ABCB7: variants seen among roughly 807,000 people sequenced by gnomAD.
ABCB7 encodes iron-sulfur clusters transporter ABCB7, mitochondrial.
ABCB7 carries 7 observed loss-of-function variants against 54.4 expected under a neutral mutation model. The ratio of observed to expected loss-of-function variants is 0.13; its 90% confidence interval spans 0.07 to 0.24. ABCB7 has a LOEUF of 0.24. Ranked by LOEUF, ABCB7 falls within the 10% of genes least tolerant of loss-of-function variation. The pLI is 1.00. For synonymous variants in ABCB7, 218 were observed against 207.1 expected (o/e 1.05, Z -0.45); for missense variants, 356 against 570.4 (o/e 0.62, Z 3.83).
intron 1 of ABCB7, among the ~76,000 whole-genome samples, chrX:75,153,084 T>C (rs959284792): frequency 1.6e-4 from 18 of 110,043 alleles, no homozygotes; most frequent in African/African-American, 5.6e-4. Flanking sequence ...GTTTGTTTGT[T>C]TGCTTGTTTT....
At chrX:75,137,409 G>A (rs1253364882) in intron 1 of ABCB7, among the ~76,000 whole-genome samples, 1 of 112,280 alleles carries the variant, frequency 8.9e-6, no homozygotes, top group Non-Finnish European at 1.9e-5. Flanking sequence ...GGAGAAAAAG[G>A]ACCATTTATA....
Position 75,052,979 on chromosome X carries a change from T to C in ABCB7, c.*391A>G, listed in dbSNP as rs2081207158. On this transcript the variant is annotated 3_prime_UTR_variant, in exon 16 of 16. Coordinates refer to ENST00000373394, the MANE Select transcript of ABCB7 (RefSeq NM_001271696.3). ...CAATGAACCTACACTATCCTCTTTT[T>C]CTTTCATGTTAAGAAACAGACACTT... The C allele has an allele frequency of 6.0e-6, 1 of 165,793 alleles. No individual in the cohort carries two copies. Among genetic ancestry groups the C allele is most frequent in the South Asian group, 1.4e-4 (1 of 7,094 alleles). The allele number at this position is 165,793 out of a possible 1,213,427, so 13.7% of individuals were successfully genotyped here.
chrX:75,130,103 T>C (rs754597889), intron 1 of ABCB7, among the ~76,000 whole-genome samples: 26 of 111,904 alleles, frequency 2.3e-4, no homozygotes, highest in Non-Finnish European at 3.9e-4. Flanking sequence ...TCACTGAATC[T>C]AGGGAATTTA....
chrX:75,070,528 A>C lies in ABCB7; in HGVS notation c.1208-6T>G, dbSNP rs760221848. On this transcript the variant is annotated splice_region_variant and splice_polypyrimidine_tract_variant and intron_variant, in intron 9 of 15. Coordinates refer to ENST00000373394, the MANE Select transcript of ABCB7 (RefSeq NM_001271696.3). Reference sequence around the variant, plus strand: ...ATCTCCAACAGTAAGGGTACCTTAAAAGGCAGAAGAAAAAAAGGGTATTTT... The same window carrying C: ...ATCTCCAACAGTAAGGGTACCTTAACAGGCAGAAGAAAAAAAGGGTATTTT... The C allele has an allele frequency of 1.7e-6, 2 of 1,206,548 alleles. No individual in the cohort carries two copies. Among genetic ancestry groups the C allele is most frequent in the South Asian group, 1.8e-5 (1 of 56,842 alleles).
intron 15 of ABCB7, 83 bp downstream of exon 15, chrX:75,060,140 T>G (rs2081271448): frequency 1.2e-6 from 1 of 821,629 alleles, no homozygotes; most frequent in Non-Finnish European, 1.8e-6. Context: ...CCAAATAATG[T>G]AAGAAACAAT....
rs1387785707 is a variant in ABCB7 at position 75,156,246 on chromosome X, C to A, written c.27G>T (p.Trp9Cys). The change falls in exon 1 of 16, where the codon TGG (tryptophan) becomes TGT (cysteine). Residue 9 changes from tryptophan to cysteine, a missense_variant. Physicochemically the swap from Trp to Cys is radical, Grantham distance 215 (BLOSUM62 -2). Coordinates refer to ENST00000373394, the MANE Select transcript of ABCB7 (RefSeq NM_001271696.3). Reference sequence around the variant, plus strand: ...AAGCAGCCGCCGCGGCCGCCCAGCGCCAAGAATGCATCGCGAGCAGCGCCA... The same window carrying A: ...AAGCAGCCGCCGCGGCCGCCCAGCGACAAGAATGCATCGCGAGCAGCGCCA... MALLAMHS[W>C]RWAAAAAAFE... 6 of 1,204,292 alleles carry A rather than the reference C, an allele frequency of 5.0e-6. No homozygotes were observed. The highest frequency in any genetic ancestry group is 3.6e-5 in the South Asian group (2 of 55,806).
chrX:75,104,065 T>G (rs903240151), intron 3 of ABCB7, among the ~76,000 whole-genome samples: 3 of 69,842 alleles, frequency 4.3e-5, no homozygotes, highest in Admixed American at 1.7e-4. Flanking sequence ...TTTTTTTTTT[T>G]TTTTTTTTTT....
At chrX:75,075,658 G>A (rs764543599) in intron 5 of ABCB7, 28 bp from the exon 6 acceptor site, 1 of 1,175,979 alleles carries the variant, frequency 8.5e-7, no homozygotes, top group African/African-American at 1.8e-5. Context: ...AGAAAAAATA[G>A]GATGTAACAA....
chrX:75,148,730 T>G (rs1358934010), intron 1 of ABCB7, among the ~76,000 whole-genome samples: 1 of 111,640 alleles, frequency 9.0e-6, no homozygotes, highest in Non-Finnish European at 1.9e-5. Context: ...GATGGCCATC[T>G]ACATGCCAAG....
chrX:75,156,093 G>A lies in ABCB7; in HGVS notation c.168+12C>T. 8.3e-7 allele frequency: 1 copy of A among 1,210,022 alleles called. No individual in the cohort carries two copies. ...CCCTTCACCCTATTCTTCCATGTCAGTGGCATCTCACCTGGTAGGCTCGAG... is the reference window on the plus strand; with the variant it reads ...CCCTTCACCCTATTCTTCCATGTCAATGGCATCTCACCTGGTAGGCTCGAG... On this transcript the variant is annotated intron_variant, in intron 1 of 15. Transcript: ENST00000373394.
chrX:75,146,918 C>T lies in ABCB7; in HGVS notation c.168+9187G>A, dbSNP rs558627402. On this transcript the variant is annotated intron_variant, in intron 1 of 15. Transcript: ENST00000373394. Reference sequence around the variant, plus strand: ...TGGGAGAAAATTTTTGCAAATTATGCGTCCAACAAAGCTCTAATAATATCC... The same window carrying T: ...TGGGAGAAAATTTTTGCAAATTATGTGTCCAACAAAGCTCTAATAATATCC... Among the ~76,000 whole-genome samples, 20 of 37,719 alleles carry T rather than the reference C, an allele frequency of 5.3e-4. No individual in the cohort carries two copies. In the East Asian group the frequency reaches 6.1e-3, roughly 12 times the overall value. 32.8% of individuals were successfully genotyped at this position (37,719 alleles called of 115,157 possible).
intron 4 of ABCB7, among the ~76,000 whole-genome samples, chrX:75,091,354 A>G (rs1216171419): frequency 9.0e-6 from 1 of 111,342 alleles, no homozygotes; most frequent in Non-Finnish European, 1.9e-5. Flanking sequence ...GAAAAATCAA[A>G]TGATGGCAGA....
At chrX:75,055,875 T>C (rs1184645510) in intron 15 of ABCB7, among the ~76,000 whole-genome samples, 1 of 110,127 alleles carries the variant, frequency 9.1e-6, no homozygotes, top group Non-Finnish European at 1.9e-5. Flanking sequence ...TTTTTTGAGA[T>C]AGACTCTTGC....
At chrX:75,143,680 C>A (rs2082070703) in intron 1 of ABCB7, among the ~76,000 whole-genome samples, 1 of 111,223 alleles carries the variant, frequency 9.0e-6, no homozygotes. Flanking sequence ...ACAATCATGG[C>A]AGAAGGCAAG....
At chrX:75,126,357 G>A (rs1261302976) in intron 1 of ABCB7, among the ~76,000 whole-genome samples, 1 of 111,880 alleles carries the variant, frequency 8.9e-6, no homozygotes, top group Non-Finnish European at 1.9e-5. Context: ...TGAAACAAAT[G>A]AGAACAATGA....
intron 3 of ABCB7, among the ~76,000 whole-genome samples, chrX:75,104,078 T>G (rs1437830318): frequency 2.6e-5 from 2 of 76,762 alleles, no homozygotes; most frequent in Non-Finnish European, 5.0e-5. Flanking sequence ...TTTTTTTTTT[T>G]TTTTTTTGTG....
At chrX:75,128,625 T>A (rs1252043349) in intron 1 of ABCB7, among the ~76,000 whole-genome samples, 2 of 111,786 alleles carry the variant, frequency 1.8e-5, no homozygotes, top group Admixed American at 9.5e-5. Flanking sequence ...AAAGAGCTTC[T>A]ACACTGCAAA....
At position 75,069,468 on chromosome X, in the gene ABCB7, GA is replaced by G. The variant is rs746001426; in HGVS notation, c.1366-15del. On this transcript the variant is annotated splice_polypyrimidine_tract_variant and intron_variant, in intron 10 of 15. Transcript: ENST00000373394. ...CATCACTTTGTCCTAGCAGGGAAGA[GA>G]AAAAAAAAGCCACTTTACGCACTGC... 5 of 1,148,055 alleles carry G rather than the reference GA, an allele frequency of 4.4e-6. No individual in the cohort carries two copies. The highest frequency in any genetic ancestry group is 2.5e-4 in the Middle Eastern group (1 of 4,077). 94.6% of individuals were successfully genotyped at this position (1,148,055 alleles called of 1,213,427 possible). A position where few individuals can be genotyped will look rare whatever the true frequency, so the allele number is the denominator to read the frequency against.
chrX:75,073,572 C>T (rs1227953896), intron 8 of ABCB7, 117 bp downstream of exon 8: 21 of 577,990 alleles, frequency 3.6e-5, no homozygotes, highest in Non-Finnish European at 5.7e-5. Context: ...TATTCCATCA[C>T]GCCTAGAGAT....
Sources: allele counts gnomAD v4.1 joint callset (sites outside exome capture counted in the v4.1 genomes callset), GRCh38; gene constraint gnomAD v4.1.1; transcripts MANE v1.5; gene names NCBI Gene and HGNC (gene_info 2026-07-23, HGNC 2026-07-21).